PTPRT: variants seen among roughly 807,000 people sequenced by gnomAD.
The protein encoded by PTPRT is protein tyrosine phosphatase receptor type T.
A neutral mutation model predicts 176.8 loss-of-function variants in PTPRT; 56 were observed. The observed-to-expected ratio is 0.32, with a 90% CI of 0.26 to 0.40. PTPRT has a LOEUF of 0.40. PTPRT is among the 10% of genes least tolerant of loss of function. PTPRT has a pLI of 1.00. For missense variants in PTPRT, 1,540 were observed against 1,908.2 expected (o/e 0.81, Z 3.60); for synonymous variants, 783 against 739.0 (o/e 1.06, Z -0.96).
chr20:42,545,041 C>T (rs949151405), intron 7 of PTPRT, among the ~76,000 whole-genome samples: 2 of 152,168 alleles, frequency 1.3e-5, no homozygotes, highest in Admixed American at 6.5e-5. Flanking sequence ...TGTGAAGGAA[C>T]ATACGGCCAG....
intron 6 of PTPRT, among the ~76,000 whole-genome samples, chr20:42,749,155 T>G (rs538532234): frequency 6.6e-6 from 1 of 152,246 alleles, no homozygotes; most frequent in East Asian, 1.9e-4. Context: ...CTTATGAGTG[T>G]GCACACTACT....
intron 6 of PTPRT, among the ~76,000 whole-genome samples, chr20:42,741,218 C>G (rs904750662): frequency 6.6e-6 from 1 of 152,192 alleles, no homozygotes; most frequent in Admixed American, 6.5e-5. Context: ...GTCATGGTAA[C>G]TTCTGTTGGC....
chr20:42,864,905 T>A (rs1459036106), intron 2 of PTPRT, among the ~76,000 whole-genome samples: 1 of 152,236 alleles, frequency 6.6e-6, no homozygotes, highest in East Asian at 1.9e-4. Context: ...CAAAATCAGA[T>A]AATTTTTTCA....
chr20:42,127,526 G>C lies in PTPRT; in HGVS notation c.2847+1228C>G, dbSNP rs6102679. Among the ~76,000 whole-genome samples the C allele has an allele frequency of 7.1e-3, 1,086 of 152,274 alleles. 10 individuals carry two copies. Among genetic ancestry groups the C allele is most frequent in the African/African-American group, 0.024 (985 of 41,566 alleles). Reference sequence around the variant, plus strand: ...ACAAGGCTCAATAAGTATTTGTTGAGTTAATAACTCACCTGGCTTAGTCTA... The same window carrying C: ...ACAAGGCTCAATAAGTATTTGTTGACTTAATAACTCACCTGGCTTAGTCTA... On this transcript the variant is annotated intron_variant, in intron 19 of 30. Coordinates refer to ENST00000373187, the MANE Select transcript of PTPRT (RefSeq NM_007050.6).
chr20:42,281,264 C>T (rs1023605046), intron 13 of PTPRT, among the ~76,000 whole-genome samples: 3 of 152,148 alleles, frequency 2.0e-5, no homozygotes, highest in Admixed American at 1.3e-4. Flanking sequence ...AGTATTTTAT[C>T]TCTTTCCATC....
At chr20:42,173,413 T>G (rs1015864854) in intron 16 of PTPRT, among the ~76,000 whole-genome samples, 1 of 151,574 alleles carries the variant, frequency 6.6e-6, no homozygotes, top group Non-Finnish European at 1.5e-5. Flanking sequence ...TTTTTATCTG[T>G]TTTAGAAAAT....
intron 1 of PTPRT, among the ~76,000 whole-genome samples, chr20:43,093,547 C>T (rs2011976174): frequency 6.6e-6 from 1 of 152,220 alleles, no homozygotes; most frequent in Non-Finnish European, 1.5e-5. Context: ...CGCATGCACA[C>T]ACACAACAGG....
intron 1 of PTPRT, among the ~76,000 whole-genome samples, chr20:42,920,016 G>A (rs1979040306): frequency 6.6e-6 from 1 of 152,126 alleles, no homozygotes; most frequent in African/African-American, 2.4e-5. Context: ...ATCAAAGCGG[G>A]GTGGTGAGCC....
At chr20:42,577,698 G>A (rs767346819) in intron 7 of PTPRT, among the ~76,000 whole-genome samples, 1 of 152,034 alleles carries the variant, frequency 6.6e-6, no homozygotes, top group Non-Finnish European at 1.5e-5. Flanking sequence ...CCAGACTACC[G>A]GCCAGGGAGG....
intron 1 of PTPRT, among the ~76,000 whole-genome samples, chr20:43,084,132 A>C (rs1425366671): frequency 2.0e-5 from 3 of 152,172 alleles, no homozygotes; most frequent in Non-Finnish European, 4.4e-5. Context: ...CCTAGGAGTA[A>C]AACTGTTGAG....
chr20:42,104,438 G>C (rs1986235444), intron 25 of PTPRT, 131 bp downstream of exon 25: 1 of 1,053,120 alleles, frequency 9.5e-7, no homozygotes, highest in African/African-American at 1.6e-5. Flanking sequence ...CTGGAAGCTT[G>C]ATGCTGGGCT....
At chr20:42,513,837 T>A (rs1032450053) in intron 7 of PTPRT, among the ~76,000 whole-genome samples, 4 of 152,140 alleles carry the variant, frequency 2.6e-5, no homozygotes, top group Admixed American at 6.6e-5. Context: ...GTGATAAACC[T>A]CCAATGAAAA....
intron 7 of PTPRT, among the ~76,000 whole-genome samples, chr20:42,666,255 G>A (rs1397990294): frequency 1.3e-5 from 2 of 152,088 alleles, no homozygotes; most frequent in Non-Finnish European, 1.5e-5. Context: ...CACGTGGTTG[G>A]CACTCTATAT....
intron 13 of PTPRT, among the ~76,000 whole-genome samples, chr20:42,276,147 G>A (rs2057025540): frequency 6.6e-6 from 1 of 151,926 alleles, no homozygotes; most frequent in Non-Finnish European, 1.5e-5. Flanking sequence ...GATGAAGAAA[G>A]GACAGTGTCA....
Position 42,955,814 on chromosome 20 carries a change from A to AGGGAGGGAGGGAGTGAGG in PTPRT, c.89-69900_89-69883dup, listed in dbSNP as rs1162875295. 2.8e-5 allele frequency among the ~76,000 whole-genome samples: 3 copies of AGGGAGGGAGGGAGTGAGG among 106,958 alleles called. No individual in the cohort carries two copies. In the East Asian group the frequency reaches 9.9e-4, roughly 35 times the overall value. 70.2% of individuals were successfully genotyped at this position (106,958 alleles called of 152,430 possible). ...AAGGCAGAAAAAGTGAGGGAGAAGG[A>AGGGAGGGAGGGAGTGAGG]GGGAGGGAGGGAGTGAGGGAGAAGG... On this transcript the variant is annotated intron_variant, in intron 1 of 30. Transcript: ENST00000373187.
intron 7 of PTPRT, among the ~76,000 whole-genome samples, chr20:42,553,605 A>C (rs1471730695): frequency 6.6e-6 from 1 of 151,850 alleles, no homozygotes; most frequent in Non-Finnish European, 1.5e-5. Flanking sequence ...TCTTTCTTAC[A>C]CATACTTTTA....
At chr20:42,376,758 C>G (rs750575197) in intron 9 of PTPRT, among the ~76,000 whole-genome samples, 1 of 152,046 alleles carries the variant, frequency 6.6e-6, no homozygotes, top group African/African-American at 2.4e-5. Context: ...GGAAAGATCC[C>G]CAGCCACAAA....
chr20:43,150,877 ATG>A lies in PTPRT; in HGVS notation c.88+38767_88+38768del, dbSNP rs1190883268. 6.6e-5 allele frequency among the ~76,000 whole-genome samples: 10 copies of A among 152,298 alleles called. No homozygotes were observed. The East Asian group carries it at 1.9e-3, about 29-fold the overall frequency. ...CCTGCCTACCTAGAGATGAAGGCAGATGTGATCTGCCTTCATGCTGAACCTCA... is the reference window on the plus strand; with the variant it reads ...CCTGCCTACCTAGAGATGAAGGCAGATGATCTGCCTTCATGCTGAACCTCA... On this transcript the variant is annotated intron_variant, in intron 1 of 30. Coordinates refer to ENST00000373187, the MANE Select transcript of PTPRT (RefSeq NM_007050.6).
chr20:42,613,813 C>T (rs1444052442), intron 7 of PTPRT, among the ~76,000 whole-genome samples: 1 of 152,114 alleles, frequency 6.6e-6, no homozygotes, highest in Non-Finnish European at 1.5e-5. Context: ...TTCCTACCCA[C>T]CTTGAATATT....
Sources: gnomAD v4.1 joint callset for allele counts (sites outside exome capture counted in the v4.1 genomes callset) on GRCh38, gnomAD v4.1.1 for gene constraint, MANE v1.5 for transcripts, NCBI Gene and HGNC (gene_info 2026-07-23, HGNC 2026-07-21) for gene names.